The following ARID1B variants were observed in gnomAD, a reference collection of about 807,000 sequenced individuals.
The protein encoded by ARID1B is AT-rich interactive domain-containing protein 1B.
Under a neutral mutation model 212.3 loss-of-function variants are expected in ARID1B, and 30 were observed. That is an observed-to-expected ratio of 0.14 (90% CI 0.11 to 0.19). The LOEUF (loss-of-function observed/expected upper bound fraction) is 0.19, where lower values mean the gene tolerates loss of function less well. ARID1B is among the 10% of genes least tolerant of loss of function. The probability of loss-of-function intolerance (pLI) is 1.00; values close to 1 mark genes in which losing one functional copy is unlikely to be tolerated. For missense variants in ARID1B, 2,891 were observed against 3,204.0 expected, an observed-to-expected ratio of 0.90 and a Z score of 2.36; for synonymous variants, 1,402 against 1,301.7, an observed-to-expected ratio of 1.08 and a Z score of -1.66.
intron 2 of ARID1B, among the ~76,000 whole-genome samples, chr6:156,870,895 T>C (rs1257702957): frequency 2.6e-5 from 4 of 152,240 alleles, no homozygotes; most frequent in African/African-American, 7.2e-5. Context: ...TATTTAGTAA[T>C]GATTCTGTAT....
chr6:156,944,526 G>A (rs73790939), intron 4 of ARID1B, among the ~76,000 whole-genome samples: 1 of 152,116 alleles, frequency 6.6e-6, no homozygotes, highest in African/African-American at 2.4e-5. Flanking sequence ...GAAAGGGAAG[G>A]GGGAGGCAGA....
intron 4 of ARID1B, among the ~76,000 whole-genome samples, chr6:157,020,115 G>C (rs139068020): frequency 6.6e-6 from 1 of 152,302 alleles, no homozygotes; most frequent in Non-Finnish European, 1.5e-5. Context: ...AGTCATTTCA[G>C]GAAGGAGGGA....
Position 157,200,621 on chromosome 6 carries a change from G to A in ARID1B, c.4480-84G>A. Reference sequence around the variant, plus strand: ...TCATTTTGAAATGAACATTCTAGCAGGTAATAACTATTTTGCATAATTTCA... The same window carrying A: ...TCATTTTGAAATGAACATTCTAGCAAGTAATAACTATTTTGCATAATTTCA... On this transcript the variant is annotated intron_variant, in intron 17 of 19. Coordinates refer to ENST00000636930, the MANE Select transcript of ARID1B (RefSeq NM_001374828.1). The surrounding 1 kb of genome is among the most constrained non-coding windows in gnomAD (Gnocchi z 4.3). 2.1e-6 allele frequency: 3 copies of A among 1,438,342 alleles called. No individual in the cohort carries two copies. The highest frequency in any genetic ancestry group is 2.8e-6 in the Non-Finnish European group (3 of 1,069,302). 89.1% of individuals were successfully genotyped at this position (1,438,342 alleles called of 1,614,324 possible).
At chr6:157,194,736 C>T (rs1793601570) in intron 15 of ARID1B, 1 of 152,060 alleles carries the variant, frequency 6.6e-6, no homozygotes, top group Non-Finnish European at 1.5e-5. Flanking sequence ...CACCTTTTTT[C>T]TTATGGGAGA....
intron 8 of ARID1B, among the ~76,000 whole-genome samples, chr6:157,154,255 C>T (rs551270368): frequency 7.2e-5 from 11 of 152,266 alleles, no homozygotes; most frequent in African/African-American, 2.4e-4. Flanking sequence ...GATTTTAATT[C>T]CTTAAGGCCT....
chr6:156,789,913 A>G (rs1779901449), intron 1 of ARID1B, among the ~76,000 whole-genome samples: 1 of 152,238 alleles, frequency 6.6e-6, no homozygotes, highest in Non-Finnish European at 1.5e-5. Context: ...ACCTTTTAAT[A>G]GAGTAACAAA....
rs114314166 is a variant in ARID1B at position 157,114,252 on chromosome 6, G to A, written c.2581+3691G>A. On this transcript the variant is annotated intron_variant, in intron 6 of 19. Coordinates refer to ENST00000636930, the MANE Select transcript of ARID1B (RefSeq NM_001374828.1). The stretch of plus-strand genomic sequence containing the variant: ...AAAACGAGTATATCAGACTGGGCAC[G>A]GTGGCTCACACCTGTAATCCCAGTA... Among the ~76,000 whole-genome samples, 941 of 152,138 alleles carry A rather than the reference G, an allele frequency of 6.2e-3. 9 individuals are homozygous for A. Among genetic ancestry groups the A allele is most frequent in the African/African-American group, 0.022 (893 of 41,506 alleles).
chr6:157,004,471 G>A (rs771746768), intron 4 of ARID1B, among the ~76,000 whole-genome samples: 5 of 152,130 alleles, frequency 3.3e-5, no homozygotes, highest in African/African-American at 4.8e-5. Flanking sequence ...TTGATTTTCC[G>A]AAGTGTAATT....
chr6:157,059,331 T>C (rs1380429395), intron 4 of ARID1B, among the ~76,000 whole-genome samples: 2 of 152,182 alleles, frequency 1.3e-5, no homozygotes, highest in Non-Finnish European at 2.9e-5. Context: ...TAGAAAATGG[T>C]TTACAGAATC....
chr6:156,968,716 C>A (rs552509470), intron 4 of ARID1B, among the ~76,000 whole-genome samples: 3 of 152,348 alleles, frequency 2.0e-5, no homozygotes, highest in Non-Finnish European at 4.4e-5. Flanking sequence ...CTGGTGCCAC[C>A]ACTTCTAGCT....
At chr6:156,902,271 A>G (rs1789004989) in intron 3 of ARID1B, 1 of 152,226 alleles carries the variant, frequency 6.6e-6, no homozygotes, top group South Asian at 2.1e-4. Flanking sequence ...CTCTGAATCC[A>G]GATAAAATGT....
intron 3 of ARID1B, among the ~76,000 whole-genome samples, chr6:156,906,541 A>C (rs1262105100): frequency 1.1e-5 from 1 of 93,612 alleles, no homozygotes; most frequent in Non-Finnish European, 1.9e-5. Context: ...GCGAAACTCC[A>C]TCTCCAAAAA....
chr6:157,055,776 G>A (rs1354208200), intron 4 of ARID1B, among the ~76,000 whole-genome samples: 1 of 152,178 alleles, frequency 6.6e-6, no homozygotes, highest in Non-Finnish European at 1.5e-5. Flanking sequence ...TGTCAGGGCT[G>A]TGGTCTCATC....
At chr6:156,967,450 G>GT (rs1241689130) in intron 4 of ARID1B, among the ~76,000 whole-genome samples, 4 of 152,254 alleles carry the variant, frequency 2.6e-5, no homozygotes, top group East Asian at 3.9e-4. Context: ...TTGGAAATGG[G>GT]TTTTTTTCCT....
chr6:157,120,313 A>C (rs930394168), intron 6 of ARID1B, among the ~76,000 whole-genome samples: 1 of 152,180 alleles, frequency 6.6e-6, no homozygotes, highest in Non-Finnish European at 1.5e-5. Context: ...ACCAGTCAGT[A>C]GCGGAAAGGA....
chr6:156,929,554 G>T (rs1412267291), intron 3 of ARID1B, among the ~76,000 whole-genome samples: 1 of 152,188 alleles, frequency 6.6e-6, no homozygotes, highest in South Asian at 2.1e-4. Flanking sequence ...AAAGGATCAA[G>T]AAATTATTGA....
intron 4 of ARID1B, among the ~76,000 whole-genome samples, chr6:156,959,258 G>A (rs562783769): frequency 5.3e-5 from 8 of 152,116 alleles, no homozygotes; most frequent in African/African-American, 7.2e-5. Context: ...TACCAAAATC[G>A]TAGATGCTCA....
At chr6:157,034,381 C>T (rs1334613363) in intron 4 of ARID1B, among the ~76,000 whole-genome samples, 1 of 152,162 alleles carries the variant, frequency 6.6e-6, no homozygotes, top group Non-Finnish European at 1.5e-5. Flanking sequence ...CTGTGTCTTC[C>T]CAGTACAGTA....
At chr6:156,909,356 C>G (rs1313214141) in intron 3 of ARID1B, among the ~76,000 whole-genome samples, 1 of 152,006 alleles carries the variant, frequency 6.6e-6, no homozygotes, top group East Asian at 1.9e-4. Context: ...GAACTCCTGA[C>G]CTTGTGATCC....
Sources: gnomAD v4.1 joint callset for allele counts (sites outside exome capture counted in the v4.1 genomes callset) on GRCh38, gnomAD v4.1.1 for gene constraint, Gnocchi (gnomAD v3.1) non-coding constraint, MANE v1.5 for transcripts, NCBI Gene and HGNC (gene_info 2026-07-23, HGNC 2026-07-21) for gene names.